The following PRKCH variants were observed in gnomAD, a reference collection of about 807,000 sequenced individuals.
PRKCH encodes protein kinase C eta, also known as protein kinase C eta type.
Under a neutral mutation model 82.5 loss-of-function variants are expected in PRKCH, and 28 were observed. The ratio of observed to expected loss-of-function variants is 0.34; its 90% CI spans 0.25 to 0.47. The LOEUF (loss-of-function observed/expected upper bound fraction) is 0.47, where lower values mean the gene tolerates loss of function less well. Among genes scored for constraint, PRKCH ranks in the 20% least tolerant of loss-of-function variants. The pLI, the probability that PRKCH is intolerant of heterozygous loss-of-function variation, is 1.00. For missense variants in PRKCH, 705 were observed against 881.8 expected (o/e 0.80, Z 2.54); for synonymous variants, 322 against 327.4 (o/e 0.98, Z 0.18).
chr14:61,500,905 A>G (rs1301321228), intron 10 of PRKCH, among the ~76,000 whole-genome samples: 1 of 152,144 alleles, frequency 6.6e-6, no homozygotes, highest in East Asian at 1.9e-4. Flanking sequence ...TCAAAGTTGG[A>G]AATACCAGGA....
chr14:61,263,283 T>C (rs2045066767), intron 1 of PRKCH, among the ~76,000 whole-genome samples: 2 of 152,208 alleles, frequency 1.3e-5, no homozygotes, highest in Non-Finnish European at 2.9e-5. Context: ...CTCATAAACA[T>C]ATAGACTTCA....
Position 61,391,201 on chromosome 14 carries a change from A to G in PRKCH, c.364-24A>G, listed in dbSNP as rs765844276. 6.3e-6 allele frequency: 10 copies of G among 1,588,782 alleles called. No homozygotes were observed. In the East Asian group the frequency reaches 1.8e-4, roughly 29 times the overall value. On this transcript the variant is annotated intron_variant, in intron 1 of 13. Transcript: ENST00000332981. ...AAATATTTTAAAACTAACATATAAT[A>G]TACATTTTTTTTTCTCTTTGTAGGT...
At chr14:61,422,407 G>A (rs1430478692) in intron 2 of PRKCH, among the ~76,000 whole-genome samples, 1 of 152,188 alleles carries the variant, frequency 6.6e-6, no homozygotes, top group African/African-American at 2.4e-5. Context: ...TGCTTTTTAA[G>A]TAGGAGCATA....
chr14:61,529,160 A>G lies in PRKCH; in HGVS notation c.1519A>G (p.Asn507Asp), dbSNP rs1457107562. 1 of 1,614,036 alleles carries G rather than the reference A, an allele frequency of 6.2e-7. No individual in the cohort carries two copies. The highest frequency in any genetic ancestry group is 1.7e-5 in the Admixed American group (1 of 60,008). ...DFGMCKEGIC[N>D]GVTTATFCGT... is the part of the protein sequence containing the mutation. ...CGGAATGTGCAAGGAGGGGATTTGC[A>G]ATGGTGTCACCACGGCCACATTCTG... The change falls in exon 11 of 14, where the codon AAT becomes GAT. Residue 507 changes from asparagine (N) to aspartate (D), a missense_variant. This residue lies in a region of PRKCH where 115 missense variants were observed against 193.8 expected (regional missense o/e 0.59). Transcript: ENST00000332981.
At chr14:61,474,613 A>T (rs1420400893) in intron 9 of PRKCH, among the ~76,000 whole-genome samples, 1 of 152,148 alleles carries the variant, frequency 6.6e-6, no homozygotes, top group African/African-American at 2.4e-5. Context: ...GTAAATGACG[A>T]GTTGATGGGT....
At chr14:61,478,956 C>CA (rs1211678643) in intron 9 of PRKCH, among the ~76,000 whole-genome samples, 35 of 151,700 alleles carry the variant, frequency 2.3e-4, no homozygotes, top group Middle Eastern at 3.4e-3. Context: ...TAAGGCTATG[C>CA]AAAAAAAAGA....
intron 1 of PRKCH, among the ~76,000 whole-genome samples, chr14:61,244,952 CTTTATTG>C (rs967831284): frequency 1.3e-5 from 2 of 152,190 alleles, no homozygotes; most frequent in African/African-American, 2.4e-5. Context: ...CCACCAACTA[CTTTATTG>C]TTTAAACACA....
intron 1 of PRKCH, among the ~76,000 whole-genome samples, chr14:61,235,822 T>C (rs950353464): frequency 1.3e-5 from 2 of 152,182 alleles, no homozygotes; most frequent in African/African-American, 4.8e-5. Context: ...GGCTGCCACA[T>C]GGTCAGATAA....
At chr14:61,333,250 G>A (rs1198016734) in intron 1 of PRKCH, among the ~76,000 whole-genome samples, 2 of 152,154 alleles carry the variant, frequency 1.3e-5, no homozygotes, top group East Asian at 3.9e-4. Context: ...TAGAGATGAT[G>A]AGAGCTATGG....
chr14:61,353,978 T>A (rs2046115030), intron 1 of PRKCH: 2 of 151,978 alleles, frequency 1.3e-5, no homozygotes, highest in Admixed American at 1.3e-4. Context: ...ATGAAGCAAA[T>A]GATGATAACC....
chr14:61,358,613 C>T (rs2046182325), intron 1 of PRKCH, among the ~76,000 whole-genome samples: 1 of 152,200 alleles, frequency 6.6e-6, no homozygotes, highest in South Asian at 2.1e-4. Context: ...CAGGCTGCCT[C>T]TCTGTGTCTA....
chr14:61,523,535 C>T (rs531824439), intron 10 of PRKCH, among the ~76,000 whole-genome samples: 12 of 152,256 alleles, frequency 7.9e-5, no homozygotes, highest in Admixed American at 2.0e-4. Context: ...GCTATATAAT[C>T]TTGGGGTAGA....
chr14:61,382,208 A>G (rs2046521476), intron 1 of PRKCH, among the ~76,000 whole-genome samples: 1 of 152,190 alleles, frequency 6.6e-6, no homozygotes, highest in Non-Finnish European at 1.5e-5. Flanking sequence ...AGGCAGGTGG[A>G]TCACTGGAGC....
At chr14:61,488,086 G>A (rs560767534) in intron 10 of PRKCH, among the ~76,000 whole-genome samples, 20 of 152,182 alleles carry the variant, frequency 1.3e-4, no homozygotes, top group African/African-American at 7.2e-5. Context: ...CGCAGGGGGC[G>A]GAGCCTGCAG....
chr14:61,427,503 A>G (rs984123444), intron 2 of PRKCH, among the ~76,000 whole-genome samples: 7 of 152,198 alleles, frequency 4.6e-5, no homozygotes, highest in African/African-American at 1.7e-4. Context: ...TTTCCTCCAC[A>G]AAAAGATGCT....
At chr14:61,245,433 A>G (rs1190367760) in intron 1 of PRKCH, among the ~76,000 whole-genome samples, 1 of 152,244 alleles carries the variant, frequency 6.6e-6, no homozygotes, top group Non-Finnish European at 1.5e-5. Flanking sequence ...CTGCATCAGC[A>G]GAGGAATGGC....
chr14:61,373,591 C>T (rs995724726), intron 1 of PRKCH, among the ~76,000 whole-genome samples: 21 of 151,922 alleles, frequency 1.4e-4, no homozygotes, highest in African/African-American at 4.8e-4. Context: ...AACAGTCCCC[C>T]AAAGTCTTCG....
rs145907046 is a variant in PRKCH at position 61,406,633 on chromosome 14, A to C, written c.427+15345A>C. The stretch of plus-strand genomic sequence containing the variant: ...CTTAAAATGACAACAACAATTGTGA[A>C]AGGAAATTTCATTCATCTTATATTT... On this transcript the variant is annotated intron_variant, in intron 2 of 13. Coordinates refer to ENST00000332981, the MANE Select transcript of PRKCH (RefSeq NM_006255.5). Among the ~76,000 whole-genome samples the C allele has an allele frequency of 7.8e-4, 119 of 152,298 alleles. 1 individual carries two copies. The highest frequency in any genetic ancestry group is 2.7e-3 in the African/African-American group (114 of 41,564).
At chr14:61,347,719 A>G (rs2046014466) in intron 1 of PRKCH, among the ~76,000 whole-genome samples, 1 of 152,226 alleles carries the variant, frequency 6.6e-6, no homozygotes, top group Non-Finnish European at 1.5e-5. Context: ...AAAGCCTAAT[A>G]TAACTAGTAA....
Sources: gnomAD v4.1 joint callset for allele counts (sites outside exome capture counted in the v4.1 genomes callset) on GRCh38, gnomAD v4.1.1 for gene constraint, gnomAD v4.1.1 regional missense constraint, MANE v1.5 for transcripts, NCBI Gene and HGNC (gene_info 2026-07-23, HGNC 2026-07-21) for gene names.